Variants in SPATA16 observed in about 807,000 individuals in gnomAD.
SPATA16 encodes the protein spermatogenesis associated 16, also known as spermatogenesis-associated protein 16.
In SPATA16, 36 loss-of-function variants were observed where a neutral mutation model predicts 63.3. The ratio of observed to expected loss-of-function variants is 0.57; its 90% confidence interval spans 0.44 to 0.75. The LOEUF (loss-of-function observed/expected upper bound fraction) is 0.75, where lower values mean the gene tolerates loss of function less well. Ranked by LOEUF, SPATA16 falls within the 30% of genes least tolerant of loss-of-function variation. The pLI, the probability that SPATA16 is intolerant of heterozygous loss-of-function variation, is 0.00. For missense variants in SPATA16, 646 were observed against 679.3 expected, an observed-to-expected ratio of 0.95 and a Z score of 0.54; for synonymous variants, 203 against 216.7, an observed-to-expected ratio of 0.94 and a Z score of 0.56.
chr3:173,049,590 G>A (rs568841722), intron 2 of SPATA16, among the ~76,000 whole-genome samples: 1 of 152,210 alleles, frequency 6.6e-6, no homozygotes, highest in Non-Finnish European at 1.5e-5. Context: ...ACTCCTAGGA[G>A]CCATTAACAT....
chr3:173,119,673 GC>G (rs1738003985), intron 1 of SPATA16, among the ~76,000 whole-genome samples: 1 of 152,172 alleles, frequency 6.6e-6, no homozygotes, highest in African/African-American at 2.4e-5. Context: ...ATTTTAACCA[GC>G]CTGTGTTGTG....
At chr3:173,111,192 T>C (rs1462819576) in intron 2 of SPATA16, among the ~76,000 whole-genome samples, 1 of 151,616 alleles carries the variant, frequency 6.6e-6, no homozygotes, top group Non-Finnish European at 1.5e-5. Flanking sequence ...TTAGAGAGGG[T>C]TATTGCAATG....
intron 2 of SPATA16, among the ~76,000 whole-genome samples, chr3:173,082,866 T>G (rs910591822): frequency 2.0e-5 from 3 of 151,666 alleles, no homozygotes; most frequent in Non-Finnish European, 4.4e-5. Context: ...GTCATCCAAG[T>G]TTTTTTTTCT....
At chr3:172,896,281 C>A (rs185918431) in intron 10 of SPATA16, among the ~76,000 whole-genome samples, 1 of 152,078 alleles carries the variant, frequency 6.6e-6, no homozygotes, top group Non-Finnish European at 1.5e-5. Flanking sequence ...AGTGCAGTGG[C>A]GTGATCTCGG....
intron 1 of SPATA16, among the ~76,000 whole-genome samples, chr3:173,135,772 C>T (rs1467522254): frequency 6.6e-6 from 1 of 152,110 alleles, no homozygotes; most frequent in Non-Finnish European, 1.5e-5. Context: ...TTTGTGGTTG[C>T]CCTTGAGACA....
intron 2 of SPATA16, among the ~76,000 whole-genome samples, chr3:173,057,899 G>T (rs1404172912): frequency 6.6e-6 from 1 of 151,744 alleles, no homozygotes; most frequent in Non-Finnish European, 1.5e-5. Context: ...ACAAAGTCTT[G>T]GTCCACAACA....
At chr3:173,024,326 A>T (rs1464148839) in intron 3 of SPATA16, among the ~76,000 whole-genome samples, 1 of 151,658 alleles carries the variant, frequency 6.6e-6, no homozygotes, top group East Asian at 1.9e-4. Context: ...GAATTTAGAT[A>T]AGTAGGGTGA....
At chr3:173,062,944 A>C (rs1241087337) in intron 2 of SPATA16, among the ~76,000 whole-genome samples, 2 of 152,220 alleles carry the variant, frequency 1.3e-5, no homozygotes, top group Non-Finnish European at 2.9e-5. Context: ...CTGATCTGAC[A>C]GGAGGCAGAG....
At chr3:173,109,608 C>A (rs376048796) in intron 2 of SPATA16, among the ~76,000 whole-genome samples, 10 of 152,054 alleles carry the variant, frequency 6.6e-5, no homozygotes, top group African/African-American at 1.9e-4. Flanking sequence ...GGATGATAAC[C>A]ATTGAAGGTA....
chr3:173,054,379 C>A (rs1004088861), intron 2 of SPATA16, among the ~76,000 whole-genome samples: 18 of 152,048 alleles, frequency 1.2e-4, no homozygotes, highest in Admixed American at 7.2e-4. Context: ...GACATGGAAC[C>A]AACCCAAATG....
intron 4 of SPATA16, among the ~76,000 whole-genome samples, chr3:173,010,675 G>A (rs545361192): frequency 2.2e-4 from 34 of 152,164 alleles, no homozygotes; most frequent in Middle Eastern, 3.4e-3. Context: ...CTTCCCAAAC[G>A]GATCTTGGGG....
At position 173,107,127 on chromosome 3, in the gene SPATA16, C is replaced by G. The variant is rs546035088; in HGVS notation, c.612+9993G>C. ...TAAGACTTCTTTCTAAAACCTGACT[C>G]AAATTCCTTGAAAACCAAAGCCCTG... On this transcript the variant is annotated intron_variant, in intron 2 of 10. Coordinates refer to ENST00000351008, the MANE Select transcript of SPATA16 (RefSeq NM_031955.6). Among the ~76,000 whole-genome samples the G allele has an allele frequency of 1.4e-4, 21 of 152,210 alleles. No homozygotes were observed. In the South Asian group the frequency reaches 2.3e-3, roughly 17 times the overall value.
chr3:172,998,665 T>C (rs974946333), intron 4 of SPATA16, among the ~76,000 whole-genome samples: 1 of 152,186 alleles, frequency 6.6e-6, no homozygotes, highest in African/African-American at 2.4e-5. Context: ...AGTGCAATGT[T>C]AGCTGTAGGT....
chr3:173,051,491 G>A (rs550741138), intron 2 of SPATA16, among the ~76,000 whole-genome samples: 10 of 152,096 alleles, frequency 6.6e-5, no homozygotes, highest in African/African-American at 1.9e-4. Flanking sequence ...GTGAGCCACC[G>A]TGCCCAGCCA....
Position 172,924,369 on chromosome 3 carries a change from C to G in SPATA16, c.1229-52G>C, listed in dbSNP as rs1455972031. 2.8e-6 allele frequency: 4 copies of G among 1,415,236 alleles called. No individual in the cohort carries two copies. In the South Asian group the frequency reaches 4.6e-5, roughly 16 times the overall value. The allele number at this position is 1,415,236 out of a possible 1,614,324, so 87.7% of individuals were successfully genotyped here. ...TACTATTTTCTCCAGACTTCCATTT[C>G]AAAATATTTTCTTTAGCAAGCTATA... On this transcript the variant is annotated intron_variant, in intron 7 of 10. Transcript: ENST00000351008.
At chr3:173,129,338 A>T (rs549615970) in intron 1 of SPATA16, among the ~76,000 whole-genome samples, 9 of 152,290 alleles carry the variant, frequency 5.9e-5, no homozygotes, top group African/African-American at 1.9e-4. Context: ...TTTGCTGAAG[A>T]AACTTTCAGC....
At position 172,932,344 on chromosome 3, in the gene SPATA16, C is replaced by T. The variant is rs184067064; in HGVS notation, c.1082-6852G>A. On this transcript the variant is annotated intron_variant, in intron 6 of 10. Coordinates refer to ENST00000351008, the MANE Select transcript of SPATA16 (RefSeq NM_031955.6). ...CATTTTCTCCTCTCTTTTCTGGTGT[C>T]TGTGTCATTTCCCTGAACTTTGTCC... is the stretch of plus-strand genomic sequence containing the variant. 1.8e-4 allele frequency among the ~76,000 whole-genome samples: 28 copies of T among 152,240 alleles called. No homozygotes were observed. The East Asian group carries it at 4.6e-3, about 25-fold the overall frequency.
chr3:173,137,657 T>C (rs1198180759), intron 1 of SPATA16, among the ~76,000 whole-genome samples: 1 of 152,192 alleles, frequency 6.6e-6, no homozygotes, highest in Non-Finnish European at 1.5e-5. Flanking sequence ...TTCTTCACTG[T>C]TAACTACATC....
At chr3:172,969,599 G>A (rs1733999862) in intron 5 of SPATA16, among the ~76,000 whole-genome samples, 1 of 152,138 alleles carries the variant, frequency 6.6e-6, no homozygotes, top group African/African-American at 2.4e-5. Flanking sequence ...TACTAGACTG[G>A]TGTTTAAGAG....
Sources: gnomAD v4.1 joint callset for allele counts (sites outside exome capture counted in the v4.1 genomes callset) on GRCh38, gnomAD v4.1.1 for gene constraint, MANE v1.5 for transcripts, NCBI Gene and HGNC (gene_info 2026-07-23, HGNC 2026-07-21) for gene names.